CATSPERE: variants seen among roughly 807,000 people sequenced by gnomAD.
CATSPERE encodes the protein catsper channel auxiliary subunit epsilon.
Under a neutral mutation model 114.1 loss-of-function variants are expected in CATSPERE, and 93 were observed. The ratio of observed to expected loss-of-function variants is 0.81; its 90% CI spans 0.69 to 0.97. CATSPERE has a LOEUF of 0.97. Ranked by LOEUF, CATSPERE falls within the 50% of genes least tolerant of loss-of-function variation. CATSPERE has a pLI of 0.00. For missense variants in CATSPERE, 1,058 were observed against 1,131.6 expected, an observed-to-expected ratio of 0.93 and a Z score of 0.93; for synonymous variants, 341 against 384.1, an observed-to-expected ratio of 0.89 and a Z score of 1.31.
rs1208169717 is a variant in CATSPERE at position 244,583,922 on chromosome 1, T to C, written c.2068T>C (p.Cys690Arg). The C allele has an allele frequency of 1.9e-6, 3 of 1,614,118 alleles. No homozygotes were observed. The highest frequency in any genetic ancestry group is 1.7e-5 in the Admixed American group (1 of 60,022). The part of the protein sequence containing the change: ...QFRPSEYSKA[C>R]PIAQKVFQIA... ...TCGACCTAGTGAATATTCAAAAGCA[T>C]GTCCAATAGCCCAAAAGGTAAGCGA... Residue 690 changes from cysteine (C) to arginine (R), a missense_variant, in exon 13 of 22, where the codon TGT becomes CGT. Transcript: ENST00000366534.
chr1:244,531,742 C>A (rs1200383559), intron 8 of CATSPERE, among the ~76,000 whole-genome samples: 1 of 152,022 alleles, frequency 6.6e-6, no homozygotes, highest in African/African-American at 2.4e-5. Context: ...ACCATTTTGT[C>A]TTAGATTTTT....
upstream of CATSPERE, among the ~76,000 whole-genome samples, chr1:244,452,300 G>A (rs1484394620): frequency 6.6e-6 from 1 of 152,272 alleles, no homozygotes; most frequent in Non-Finnish European, 1.5e-5. Context: ...GGCTGCGGCG[G>A]TGTATTCTGG....
chr1:244,583,956 G>A lies in CATSPERE; in HGVS notation c.2085+17G>A, dbSNP rs1165858804. ...GCCCAAAAGGTAAGCGACATGGGCT[G>A]AAGACCCAAATATTTCACTTCAAGA... is the stretch of plus-strand genomic sequence containing the variant. On this transcript the variant is annotated intron_variant, in intron 13 of 21. Coordinates refer to ENST00000366534, the MANE Select transcript of CATSPERE (RefSeq NM_001130957.2). 6.2e-7 allele frequency: 1 copy of A among 1,609,506 alleles called. No homozygotes were observed. Among genetic ancestry groups the A allele is most frequent in the Non-Finnish European group, 8.5e-7 (1 of 1,176,088 alleles).
upstream of CATSPERE, among the ~76,000 whole-genome samples, chr1:244,459,356 C>T (rs766806114): frequency 3.9e-5 from 6 of 152,200 alleles, no homozygotes; most frequent in Non-Finnish European, 7.3e-5. Flanking sequence ...GGATTACAGG[C>T]ATGAGCCACC....
At chr1:244,518,528 A>G in intron 7 of CATSPERE, 64 bp from the exon 8 acceptor site, 1 of 963,298 alleles carries the variant, frequency 1.0e-6, no homozygotes, top group Non-Finnish European at 1.7e-6. Context: ...ATATATCCTG[A>G]TGTCACATCA....
chr1:244,552,840 A>G, intron 9 of CATSPERE, 26 bp downstream of exon 9: 3 of 1,110,582 alleles, frequency 2.7e-6, no homozygotes, highest in Non-Finnish European at 3.5e-6. Context: ...TTTATATTTT[A>G]TAAATATATT....
intron 10 of CATSPERE, among the ~76,000 whole-genome samples, chr1:244,566,124 G>A (rs537179806): frequency 6.6e-6 from 1 of 152,320 alleles, no homozygotes; most frequent in Admixed American, 6.5e-5. Flanking sequence ...ATGTAGTTGT[G>A]TAGTTTTGAG....
At chr1:244,574,603 G>C (rs1385821124) in intron 11 of CATSPERE, among the ~76,000 whole-genome samples, 1 of 152,020 alleles carries the variant, frequency 6.6e-6, no homozygotes, top group Non-Finnish European at 1.5e-5. Flanking sequence ...AGTTTTTCTG[G>C]TTGATGAAAT....
intron 2 of CATSPERE, among the ~76,000 whole-genome samples, chr1:244,476,897 T>C (rs1472950083): frequency 6.6e-6 from 1 of 152,242 alleles, no homozygotes; most frequent in Non-Finnish European, 1.5e-5. Context: ...AAGTGACTTG[T>C]TTTTAAGCGA....
intron 19 of CATSPERE, among the ~76,000 whole-genome samples, chr1:244,614,160 G>C (rs1230246996): frequency 6.6e-6 from 1 of 152,114 alleles, no homozygotes; most frequent in Non-Finnish European, 1.5e-5. Flanking sequence ...CAGGTGTTCT[G>C]TTAAAAGCAA....
intron 19 of CATSPERE, among the ~76,000 whole-genome samples, chr1:244,615,486 G>A (rs1272333762): frequency 2.6e-5 from 4 of 151,444 alleles, no homozygotes; most frequent in East Asian, 1.9e-4. Flanking sequence ...AAACGTAGGC[G>A]GTGTAGCCTA....
chr1:244,630,301 G>A (rs958225214), intron 20 of CATSPERE, among the ~76,000 whole-genome samples: 5 of 152,196 alleles, frequency 3.3e-5, no homozygotes, highest in African/African-American at 2.4e-5. Context: ...CCCACATCAT[G>A]TGTACTTTTT....
intron 9 of CATSPERE, among the ~76,000 whole-genome samples, chr1:244,558,495 T>C (rs986311843): frequency 6.6e-6 from 1 of 152,162 alleles, no homozygotes; most frequent in African/African-American, 2.4e-5. Flanking sequence ...TTGCCCATCT[T>C]TTCCACTGAA....
At chr1:244,557,216 C>G (rs901777172) in intron 9 of CATSPERE, among the ~76,000 whole-genome samples, 3 of 151,638 alleles carry the variant, frequency 2.0e-5, no homozygotes, top group Non-Finnish European at 4.4e-5. Context: ...TTTCATGGTT[C>G]CATATGAATT....
intron 10 of CATSPERE, among the ~76,000 whole-genome samples, chr1:244,566,394 T>C: frequency 6.6e-6 from 1 of 152,154 alleles, no homozygotes; most frequent in Non-Finnish European, 1.5e-5. Context: ...ATTTTCTCTC[T>C]CGTCGATCTG....
chr1:244,474,732 T>A (rs1170900200), intron 2 of CATSPERE, among the ~76,000 whole-genome samples: 1 of 148,702 alleles, frequency 6.7e-6, no homozygotes, highest in Non-Finnish European at 1.5e-5. Context: ...CTTTTTTTTC[T>A]TCTTCTTTTT....
At chr1:244,584,470 C>G (rs1048139077) in intron 13 of CATSPERE, among the ~76,000 whole-genome samples, 6 of 151,782 alleles carry the variant, frequency 4.0e-5, no homozygotes, top group Middle Eastern at 3.2e-3. Flanking sequence ...AAAAACATTC[C>G]AGGAAAAGGC....
chr1:244,518,322 A>G (rs1676966885), intron 7 of CATSPERE, among the ~76,000 whole-genome samples: 1 of 152,190 alleles, frequency 6.6e-6, no homozygotes, highest in African/African-American at 2.4e-5. Flanking sequence ...TTATTTAAGT[A>G]TCCCCATAGT....
chr1:244,526,731 C>T (rs1678683316), intron 8 of CATSPERE, among the ~76,000 whole-genome samples: 1 of 151,608 alleles, frequency 6.6e-6, no homozygotes, highest in African/African-American at 2.4e-5. Context: ...TCACCACAAC[C>T]TCAAACTCCT....
Sources: gnomAD v4.1 joint callset for allele counts (sites outside exome capture counted in the v4.1 genomes callset) on GRCh38, gnomAD v4.1.1 for gene constraint, MANE v1.5 for transcripts, NCBI Gene and HGNC (gene_info 2026-07-23, HGNC 2026-07-21) for gene names.